Variants in SERPINB2 observed in about 807,000 individuals in gnomAD.
The protein encoded by SERPINB2 is plasminogen activator inhibitor 2.
SERPINB2 carries 28 observed loss-of-function variants against 39.4 expected under a neutral mutation model. The ratio of observed to expected loss-of-function variants is 0.71; its 90% confidence interval spans 0.53 to 0.97. The LOEUF is 0.97. SERPINB2 is among the 50% of genes least tolerant of loss of function. SERPINB2 has a pLI of 0.00. For synonymous variants in SERPINB2, 209 were observed against 175.1 expected (o/e 1.19, Z -1.53); for missense variants, 557 against 505.3 (o/e 1.10, Z -0.98).
At position 63,902,943 on chromosome 18, in the gene SERPINB2, A is replaced by C; in HGVS notation, c.886A>C (p.Ser296Arg). ...CTATGACAAACTCAACAAGTGGACC[A>C]GCAAAGACAAAATGGCTGAAGATGA... ...ITYDKLNKWT[S>R]KDKMAEDEVE... is the part of the protein sequence containing the mutation. Residue 296 changes from serine (S) to arginine (R), a missense_variant, in exon 8 of 8, where the codon AGC (serine) becomes CGC (arginine). Ser to Arg is a moderately radical substitution (Grantham distance 110). Coordinates refer to ENST00000299502, the MANE Select transcript of SERPINB2 (RefSeq NM_002575.3). 6.2e-7 allele frequency: 1 copy of C among 1,613,130 alleles called. No homozygotes were observed. The highest frequency in any genetic ancestry group is 1.1e-5 in the South Asian group (1 of 90,956).
intron 2 of SERPINB2, among the ~76,000 whole-genome samples, chr18:63,893,550 T>A (rs535335348): frequency 6.6e-6 from 1 of 152,340 alleles, no homozygotes; most frequent in African/African-American, 2.4e-5. Flanking sequence ...AAGACATTTA[T>A]TGGCTGGAGA....
rs927330150 is a variant in SERPINB2 at position 63,896,971 on chromosome 18, A to C, written c.289-120A>C. 4.7e-6 allele frequency: 4 copies of C among 842,972 alleles called. No homozygotes were observed. In the Admixed American group the frequency reaches 1.3e-4, roughly 27 times the overall value. 52.2% of individuals were successfully genotyped at this position (842,972 alleles called of 1,614,324 possible). Reference sequence around the variant, plus strand: ...CAAAGATTCCTCTAATGTACCAAAAATAAAGTATGTATTAATATAGCATTT... The same window carrying C: ...CAAAGATTCCTCTAATGTACCAAAACTAAAGTATGTATTAATATAGCATTT... On this transcript the variant is annotated intron_variant, in intron 3 of 7. Transcript: ENST00000299502.
chr18:63,890,333 G>A (rs112942443), intron 1 of SERPINB2, among the ~76,000 whole-genome samples: 35 of 152,338 alleles, frequency 2.3e-4, no homozygotes, highest in African/African-American at 7.9e-4. Context: ...CAGAGGACAT[G>A]CTTCCTCCTG....
At position 63,898,151 on chromosome 18, in the gene SERPINB2, A is replaced by T. The variant is rs934951324; in HGVS notation, c.535+307A>T. On this transcript the variant is annotated intron_variant, in intron 5 of 7. Transcript: ENST00000299502. Reference sequence around the variant, plus strand: ...AAATATCAGCATTGAAATAATTGTGAGTCTATGCCCACTGTGGACAAAAAG... The same window carrying T: ...AAATATCAGCATTGAAATAATTGTGTGTCTATGCCCACTGTGGACAAAAAG... 2.6e-5 allele frequency among the ~76,000 whole-genome samples: 4 copies of T among 152,248 alleles called. No individual in the cohort carries two copies. In the East Asian group the frequency reaches 5.8e-4, roughly 22 times the overall value.
chr18:63,893,459 T>TA (rs1247166437), intron 2 of SERPINB2, among the ~76,000 whole-genome samples: 1 of 152,048 alleles, frequency 6.6e-6, no homozygotes, highest in African/African-American at 2.4e-5. Context: ...ACTCTATATA[T>TA]ATCGTCTTTT....
intron 2 of SERPINB2, chr18:63,892,520 T>C (rs1316059047): frequency 6.6e-6 from 1 of 152,244 alleles, no homozygotes; most frequent in African/African-American, 2.4e-5. Context: ...CATTCACACA[T>C]ACAAACATTA....
At chr18:63,891,372 G>C (rs901782596) in intron 1 of SERPINB2, 64 bp from the exon 2 acceptor site, 8 of 1,551,362 alleles carry the variant, frequency 5.2e-6, no homozygotes, top group Non-Finnish European at 7.1e-6. Flanking sequence ...TACTGTTGCT[G>C]ACCTCACCCA....
At chr18:63,897,594 C>T (rs970007036) in intron 4 of SERPINB2, 133 bp from the exon 5 acceptor site, 3 of 759,370 alleles carry the variant, frequency 4.0e-6, no homozygotes, top group South Asian at 3.0e-5. Flanking sequence ...CAGCACCTGC[C>T]TTCCATAGCC....
chr18:63,902,197 C>T (rs188861399), intron 6 of SERPINB2, among the ~76,000 whole-genome samples: 1 of 152,186 alleles, frequency 6.6e-6, no homozygotes, highest in African/African-American at 2.4e-5. Flanking sequence ...CCATTGTTGT[C>T]CATCTTACTA....
intron 2 of SERPINB2, 52 bp from the exon 3 acceptor site, chr18:63,895,212 G>A: frequency 1.2e-6 from 2 of 1,601,844 alleles, no homozygotes; most frequent in South Asian, 1.1e-5. Flanking sequence ...TGTTTTAAAA[G>A]TTCAGTAAAT....
intron 6 of SERPINB2, 124 bp from the exon 7 acceptor site, chr18:63,902,280 T>A (rs1013085804): frequency 3.3e-5 from 27 of 816,798 alleles, no homozygotes; most frequent in Non-Finnish European, 4.4e-5. Flanking sequence ...ATAATTTATT[T>A]TGTTGATTTA....
At chr18:63,894,519 G>A (rs2049946533) in intron 2 of SERPINB2, among the ~76,000 whole-genome samples, 1 of 152,152 alleles carries the variant, frequency 6.6e-6, no homozygotes, top group Non-Finnish European at 1.5e-5. Context: ...CAAGGAGGTG[G>A]GATGGGGTGG....
In SERPINB2 at chr18:63,895,264, G is replaced by A. The variant is rs1201058584; in HGVS notation, c.169G>A (p.Val57Met). 6.2e-7 allele frequency: 1 copy of A among 1,613,256 alleles called. No homozygotes were observed. Among genetic ancestry groups the A allele is most frequent in the South Asian group, 1.1e-5 (1 of 90,820 alleles). The change falls in exon 3 of 8, where the codon GTG becomes ATG. Residue 57 changes from valine to methionine, a missense_variant and splice_region_variant. By Grantham distance (21) the Val-to-Met change is conservative. Transcript: ENST00000299502. Reference sequence around the variant, plus strand: ...CCGTTTTCTCTAATTCTGATTGCAGGTGCTTCAGTTTAATGAAGTGGGAGC... The same window carrying A: ...CCGTTTTCTCTAATTCTGATTGCAGATGCTTCAGTTTAATGAAGTGGGAGC... ...RGSTEDQMAK[V>M]LQFNEVGANA...
At chr18:63,894,591 G>A (rs1443672322) in intron 2 of SERPINB2, among the ~76,000 whole-genome samples, 1 of 152,154 alleles carries the variant, frequency 6.6e-6, no homozygotes, top group Non-Finnish European at 1.5e-5. Context: ...CGGGCAGGCA[G>A]CAGTGTTGTG....
rs778921976 is a variant in SERPINB2 at position 63,891,413 on chromosome 18, T to C, written c.-9-23T>C. 9 of 1,612,388 alleles carry C rather than the reference T, an allele frequency of 5.6e-6. No individual in the cohort carries two copies. The Admixed American group carries it at 1.5e-4, about 27-fold the overall frequency. On this transcript the variant is annotated intron_variant, in intron 1 of 7. Coordinates refer to ENST00000299502, the MANE Select transcript of SERPINB2 (RefSeq NM_002575.3). ...TTACCTTATGTTTCAGAGCTGTTTT[T>C]TTCTTCCTCTCTTTGCTTCTAGATT...
At chr18:63,894,201 G>T (rs1219141967) in intron 2 of SERPINB2, among the ~76,000 whole-genome samples, 1 of 152,034 alleles carries the variant, frequency 6.6e-6, no homozygotes, top group African/African-American at 2.4e-5. Context: ...CTGATTTAAG[G>T]GTCAATTTCC....
At position 63,895,290 on chromosome 18, in the gene SERPINB2, C is replaced by T; in HGVS notation, c.195C>T (p.Ala65=). The change falls in exon 3 of 8, where the codon GCC becomes GCT. Residue 65 remains alanine, a synonymous_variant. Transcript: ENST00000299502. ...AKVLQFNEVG[A]NAVTPMTPEN... ...TGCTTCAGTTTAATGAAGTGGGAGC[C>T]AATGCAGTTACCCCCATGACTCCAG... is the stretch of plus-strand genomic sequence containing the variant. 17 of 1,613,960 alleles carry T rather than the reference C, an allele frequency of 1.1e-5. No homozygotes were observed. The highest frequency in any genetic ancestry group is 1.4e-5 in the Non-Finnish European group (16 of 1,179,940).
chr18:63,901,602 TA>T (rs1264888683), intron 5 of SERPINB2, 137 bp from the exon 6 acceptor site: 2 of 569,608 alleles, frequency 3.5e-6, no homozygotes, highest in Non-Finnish European at 5.5e-6. Flanking sequence ...TTGCTTTAAA[TA>T]AACCTAAAAA....
chr18:63,895,919 A>G (rs2049956724), intron 3 of SERPINB2, among the ~76,000 whole-genome samples: 1 of 150,080 alleles, frequency 6.7e-6, no homozygotes. Context: ...TCATCTATTT[A>G]TCATCTATCT....
Sources: allele counts gnomAD v4.1 joint callset (sites outside exome capture counted in the v4.1 genomes callset), GRCh38; gene constraint gnomAD v4.1.1; transcripts MANE v1.5; gene names NCBI Gene and HGNC (gene_info 2026-07-23, HGNC 2026-07-21).